FGF14: variants seen among roughly 807,000 people sequenced by gnomAD.
The protein encoded by FGF14 is fibroblast growth factor 14, also known as fibroblast growth factor homologous factor 4.
FGF14 carries 5 observed loss-of-function variants against 25.5 expected under a neutral mutation model. That is an observed-to-expected ratio of 0.20 (90% confidence interval 0.10 to 0.41). FGF14 has a LOEUF of 0.41. Among genes scored for constraint, FGF14 ranks in the 10% least tolerant of loss-of-function variants. The pLI is 1.00. For missense variants in FGF14, 222 were observed against 320.1 expected, an observed-to-expected ratio of 0.69 and a Z score of 2.34; for synonymous variants, 138 against 118.3, an observed-to-expected ratio of 1.17 and a Z score of -1.08.
chr13:101,985,635 T>G (rs913777396), intron 1 of FGF14, among the ~76,000 whole-genome samples: 1 of 152,104 alleles, frequency 6.6e-6, no homozygotes, highest in Non-Finnish European at 1.5e-5. Flanking sequence ...ACGGTTGTAA[T>G]AAAGAAACCT....
intron 1 of FGF14, among the ~76,000 whole-genome samples, chr13:101,903,332 T>C (rs1212918951): frequency 6.6e-6 from 1 of 152,146 alleles, no homozygotes; most frequent in African/African-American, 2.4e-5. Context: ...TGAAGCTTTA[T>C]TCTCTTTAAA....
chr13:102,232,826 C>G (rs1056313115), intron 1 of FGF14, among the ~76,000 whole-genome samples: 1 of 152,082 alleles, frequency 6.6e-6, no homozygotes, highest in Non-Finnish European at 1.5e-5. Context: ...ATTAGAAAAC[C>G]CTGAATAAAA....
At chr13:102,280,612 T>C (rs1171209983) in intron 1 of FGF14, among the ~76,000 whole-genome samples, 3 of 152,244 alleles carry the variant, frequency 2.0e-5, no homozygotes, top group Admixed American at 6.5e-5. Flanking sequence ...TGTTTGGTTC[T>C]GCAAGGTAAA....
chr13:102,180,368 A>C (rs2048619956), intron 1 of FGF14, among the ~76,000 whole-genome samples: 1 of 152,132 alleles, frequency 6.6e-6, no homozygotes, highest in Non-Finnish European at 1.5e-5. Flanking sequence ...GCTGGATTAC[A>C]GTGGCACAAT....
At chr13:101,887,894 C>T (rs927596307) in intron 1 of FGF14, among the ~76,000 whole-genome samples, 2 of 152,088 alleles carry the variant, frequency 1.3e-5, no homozygotes, top group Non-Finnish European at 2.9e-5. Flanking sequence ...AATAAAAATG[C>T]TTGCTATAGA....
upstream of FGF14, among the ~76,000 whole-genome samples, chr13:101,918,652 T>C (rs1157834505): frequency 6.6e-6 from 1 of 152,250 alleles, no homozygotes; most frequent in Non-Finnish European, 1.5e-5. Context: ...CCTTCTGCTC[T>C]AAGCAACTTA....
chr13:101,943,912 G>A (rs550871502), intron 1 of FGF14, among the ~76,000 whole-genome samples: 1 of 146,030 alleles, frequency 6.8e-6, no homozygotes, highest in South Asian at 2.2e-4. Context: ...TGAGGCAGGA[G>A]AATCACTTGA....
chr13:101,887,960 AGAGAAAGT>A (rs1217936413), intron 1 of FGF14, among the ~76,000 whole-genome samples: 3 of 152,194 alleles, frequency 2.0e-5, no homozygotes, highest in South Asian at 2.1e-4. Context: ...AAAGCTTTGG[AGAGAAAGT>A]GAGATGAAAT....
rs1262038303 is a variant in FGF14 at position 102,083,673 on chromosome 13, G to A, written c.209-208377C>T. 3.3e-5 allele frequency among the ~76,000 whole-genome samples: 5 copies of A among 152,190 alleles called. No homozygotes were observed. In the South Asian group the frequency reaches 8.3e-4, roughly 25 times the overall value. On this transcript the variant is annotated intron_variant, in intron 1 of 4. Transcript: ENST00000376131. ...GGCTGAACCAATGTATACCTTTCAT[G>A]TATCGATTTATGATTTTACCTGCAT... is the stretch of plus-strand genomic sequence containing the variant.
In FGF14 at chr13:102,038,120, T is replaced by C. The variant is rs767405801; in HGVS notation, c.209-162824A>G. On this transcript the variant is annotated intron_variant, in intron 1 of 4. Coordinates refer to the FGF14 transcript ENST00000376131. Reference sequence around the variant, plus strand: ...CAAAGGAAGATTGCATTATTTTGCATGAAATGCTTTATTACCCAAGTTTAG... The same window carrying C: ...CAAAGGAAGATTGCATTATTTTGCACGAAATGCTTTATTACCCAAGTTTAG... Among the ~76,000 whole-genome samples the C allele has an allele frequency of 4.7e-4, 71 of 152,298 alleles. 1 individual carries two copies. The highest frequency in any genetic ancestry group is 3.9e-4 in the Admixed American group (6 of 15,282).
intron 1 of FGF14, among the ~76,000 whole-genome samples, chr13:102,014,784 T>C (rs751858267): frequency 6.6e-6 from 1 of 152,204 alleles, no homozygotes. Context: ...TATTTTTTTA[T>C]ATTAATCGCC....
intron 1 of FGF14, among the ~76,000 whole-genome samples, chr13:101,923,569 G>A (rs2034156567): frequency 1.3e-5 from 2 of 152,160 alleles, no homozygotes; most frequent in South Asian, 4.1e-4. Flanking sequence ...TACAGTTTAA[G>A]TTCAAGATCA....
At chr13:101,752,076 T>C (rs73568253) in intron 3 of FGF14, among the ~76,000 whole-genome samples, 5,576 of 152,216 alleles carry the variant, frequency 0.037, 272 homozygotes, top group African/African-American at 0.11. Context: ...TTAAAATAAC[T>C]CAATTGTGAA....
In FGF14 at chr13:102,307,236, C is replaced by G. The variant is rs112684528; in HGVS notation, c.208+94235G>C. Among the ~76,000 whole-genome samples the G allele has an allele frequency of 3.0e-3, 464 of 152,238 alleles. 3 individuals are homozygous for G. The highest frequency in any genetic ancestry group is 0.011 in the African/African-American group (444 of 41,546). ...ATATGGAACCTAACTTTTCCAACAT[C>G]CAAGTGAGCAATAAATGAACTCTGT... On this transcript the variant is annotated intron_variant, in intron 1 of 4. Transcript: ENST00000376131.
In FGF14 at chr13:101,862,861, T is replaced by TA. The variant is rs1214743435; in HGVS notation, c.408+5863dup. Among the ~76,000 whole-genome samples the TA allele has an allele frequency of 3.3e-5, 5 of 152,158 alleles. No individual in the cohort carries two copies. In the South Asian group the frequency reaches 6.2e-4, roughly 19 times the overall value. On this transcript the variant is annotated intron_variant, in intron 3 of 4. Coordinates refer to ENST00000376143, the MANE Select transcript of FGF14 (RefSeq NM_004115.4). The stretch of plus-strand genomic sequence containing the variant: ...GAAAGAAGTCACAGAAAAGCTTGAT[T>TA]AAAAAAAGAAATATTGTTAAAGCAT...
At chr13:102,286,641 A>G (rs996632939) in intron 1 of FGF14, among the ~76,000 whole-genome samples, 1 of 152,146 alleles carries the variant, frequency 6.6e-6, no homozygotes, top group Non-Finnish European at 1.5e-5. Context: ...TCAACCCACT[A>G]TTTGTGGTGC....
chr13:102,182,500 T>G (rs2048718076), intron 1 of FGF14, among the ~76,000 whole-genome samples: 1 of 152,152 alleles, frequency 6.6e-6, no homozygotes, highest in African/African-American at 2.4e-5. Context: ...TACAATAGAT[T>G]TGTATTACAA....
At chr13:102,102,932 C>T (rs1483424546) in intron 1 of FGF14, among the ~76,000 whole-genome samples, 1 of 152,176 alleles carries the variant, frequency 6.6e-6, no homozygotes, top group African/African-American at 2.4e-5. Context: ...CCTGCAAATC[C>T]TCGTTCTAGT....
At chr13:102,083,635 C>T (rs2043746307) in intron 1 of FGF14, among the ~76,000 whole-genome samples, 1 of 152,226 alleles carries the variant, frequency 6.6e-6, no homozygotes, top group Non-Finnish European at 1.5e-5. Flanking sequence ...CTTCAACATG[C>T]TTTGCCTATT....
Sources: gnomAD v4.1 joint callset for allele counts (sites outside exome capture counted in the v4.1 genomes callset) on GRCh38, gnomAD v4.1.1 for gene constraint, MANE v1.5 for transcripts, NCBI Gene and HGNC (gene_info 2026-07-23, HGNC 2026-07-21) for gene names.